MARCHF8: variants seen among roughly 807,000 people sequenced by gnomAD.
The protein encoded by MARCHF8 is membrane associated ring-CH-type finger 8, also known as E3 ubiquitin-protein ligase MARCHF8.
Under a neutral mutation model 51.6 loss-of-function variants are expected in MARCHF8, and 40 were observed. That is an observed-to-expected ratio of 0.77 (90% CI 0.60 to 1.01). The LOEUF is 1.01. Ranked by LOEUF, MARCHF8 falls within the 50% of genes least tolerant of loss-of-function variation. The probability of loss-of-function intolerance (pLI) is 0.00; values close to 1 mark genes in which losing one functional copy is unlikely to be tolerated. For missense variants in MARCHF8, 685 were observed against 708.6 expected (o/e 0.97, Z 0.38); for synonymous variants, 263 against 280.3 (o/e 0.94, Z 0.62).
rs1842554498 is a variant in MARCHF8, at chr10:45,454,804, A to G, written c.*3435T>C. 1 of 152,228 alleles carries G rather than the reference A, an allele frequency of 6.6e-6. No homozygotes were observed. 9.4% of individuals were successfully genotyped at this position (152,228 alleles called of 1,614,324 possible). ...AACTACACCACACATGCCAGTGTAA[A>G]TTTGGTTTAACAATCAATTTCTATA... On this transcript the variant is annotated 3_prime_UTR_variant, in exon 8 of 8. Coordinates refer to ENST00000453424, the MANE Select transcript of MARCHF8 (RefSeq NM_001282866.2).
intron 1 of MARCHF8, among the ~76,000 whole-genome samples, chr10:45,579,405 C>G (rs1285662559): frequency 7.1e-6 from 1 of 141,516 alleles, no homozygotes; most frequent in Non-Finnish European, 1.6e-5. Context: ...AAAGTCACTA[C>G]CTTTCATATA....
At chr10:45,467,486 A>T (rs1296066418) in intron 3 of MARCHF8, among the ~76,000 whole-genome samples, 1 of 152,220 alleles carries the variant, frequency 6.6e-6, no homozygotes, top group Non-Finnish European at 1.5e-5. Context: ...ATAATTTTAA[A>T]GAGCTTTATT....
chr10:45,591,383 T>C (rs1287987728), intron 1 of MARCHF8, among the ~76,000 whole-genome samples: 2 of 151,934 alleles, frequency 1.3e-5, no homozygotes, highest in East Asian at 3.9e-4. Context: ...GAGAATTGCT[T>C]CAACCCAGGA....
At chr10:45,523,258 G>A (rs1314887803) in intron 2 of MARCHF8, among the ~76,000 whole-genome samples, 1 of 152,226 alleles carries the variant, frequency 6.6e-6, no homozygotes, top group African/African-American at 2.4e-5. Flanking sequence ...CAATAGGGTG[G>A]CTCACACCTA....
intron 1 of MARCHF8, among the ~76,000 whole-genome samples, chr10:45,556,514 T>C (rs2044253230): frequency 1.3e-5 from 2 of 152,224 alleles, no homozygotes; most frequent in South Asian, 4.1e-4. Context: ...TATTCTTCCT[T>C]TACTTCTGTG....
intron 1 of MARCHF8, among the ~76,000 whole-genome samples, chr10:45,564,743 AAAC>A (rs545254723): frequency 1.6e-4 from 24 of 150,820 alleles, no homozygotes; most frequent in Admixed American, 7.9e-4. Context: ...AACTAAGAAT[AAAC>A]AACAACAACG....
At chr10:45,558,657 G>A (rs887576543) in intron 1 of MARCHF8, among the ~76,000 whole-genome samples, 22 of 152,174 alleles carry the variant, frequency 1.4e-4, no homozygotes, top group African/African-American at 2.2e-4. Flanking sequence ...CCAGGCGCAC[G>A]GTGGTGGCTC....
At chr10:45,526,493 AG>A (rs1287296799) in intron 2 of MARCHF8, among the ~76,000 whole-genome samples, 1 of 152,200 alleles carries the variant, frequency 6.6e-6, no homozygotes, top group African/African-American at 2.4e-5. Flanking sequence ...GGGAGTACAC[AG>A]GCTTCCGAGC....
chr10:45,511,697 G>C (rs1490459491), intron 2 of MARCHF8, among the ~76,000 whole-genome samples: 53 of 152,116 alleles, frequency 3.5e-4, no homozygotes, highest in African/African-American at 1.2e-3. Flanking sequence ...GACGGAGTCT[G>C]GTTCACTCAG....
intron 1 of MARCHF8, among the ~76,000 whole-genome samples, chr10:45,552,503 T>C (rs1228848520): frequency 6.6e-6 from 1 of 152,186 alleles, no homozygotes; most frequent in Non-Finnish European, 1.5e-5. Flanking sequence ...AGGAATAGTT[T>C]TTAAAGTCAG....
At chr10:45,528,223 C>T (rs924598541) in intron 2 of MARCHF8, among the ~76,000 whole-genome samples, 2 of 152,054 alleles carry the variant, frequency 1.3e-5, no homozygotes, top group African/African-American at 4.8e-5. Context: ...CACTCCTACT[C>T]AACACAGTAC....
intron 1 of MARCHF8, among the ~76,000 whole-genome samples, chr10:45,561,671 C>A (rs569879145): frequency 6.6e-6 from 1 of 150,810 alleles, no homozygotes; most frequent in Non-Finnish European, 1.5e-5. Flanking sequence ...GAGGCTGAGG[C>A]GGGCAGATCA....
chr10:45,499,754 C>T (rs1188888125), intron 2 of MARCHF8, among the ~76,000 whole-genome samples: 1 of 152,116 alleles, frequency 6.6e-6, no homozygotes, highest in Non-Finnish European at 1.5e-5. Flanking sequence ...ATATGTGAGG[C>T]TTTATTTCTG....
intron 1 of MARCHF8, among the ~76,000 whole-genome samples, chr10:45,550,603 A>T (rs1039796983): frequency 1.3e-5 from 2 of 152,168 alleles, no homozygotes; most frequent in Non-Finnish European, 2.9e-5. Flanking sequence ...AATTTGCCTC[A>T]CTACTCACCT....
intron 1 of MARCHF8, among the ~76,000 whole-genome samples, chr10:45,572,988 C>G (rs565241688): frequency 6.6e-6 from 1 of 152,238 alleles, no homozygotes; most frequent in African/African-American, 2.4e-5. Flanking sequence ...CCTCCCCCAC[C>G]TGCCCAGCAA....
intron 3 of MARCHF8, among the ~76,000 whole-genome samples, chr10:45,474,193 T>C (rs1027139289): frequency 6.6e-6 from 1 of 152,196 alleles, no homozygotes; most frequent in Admixed American, 6.5e-5. Context: ...CTGCATGGCC[T>C]CCTTGTCTCC....
At chr10:45,579,104 A>G (rs1246050612) in intron 1 of MARCHF8, among the ~76,000 whole-genome samples, 5 of 152,240 alleles carry the variant, frequency 3.3e-5, no homozygotes, top group Non-Finnish European at 7.3e-5. Flanking sequence ...TACTGTGGTT[A>G]TGCAAGAGAA....
At chr10:45,526,427 C>G (rs2043795437) in intron 2 of MARCHF8, among the ~76,000 whole-genome samples, 1 of 152,136 alleles carries the variant, frequency 6.6e-6, no homozygotes, top group Non-Finnish European at 1.5e-5. Context: ...CGCAGGTCTC[C>G]AGCCTAATAG....
At chr10:45,528,537 G>A (rs1350862232) in intron 2 of MARCHF8, among the ~76,000 whole-genome samples, 2 of 152,112 alleles carry the variant, frequency 1.3e-5, no homozygotes, top group Non-Finnish European at 2.9e-5. Flanking sequence ...ATAGCTTAGC[G>A]CAGCCTCGAC....
Sources: allele counts gnomAD v4.1 joint callset (sites outside exome capture counted in the v4.1 genomes callset), GRCh38; gene constraint gnomAD v4.1.1; transcripts MANE v1.5; gene names NCBI Gene and HGNC (gene_info 2026-07-23, HGNC 2026-07-21).